VWA8: variants seen among roughly 807,000 people sequenced by gnomAD.
The protein encoded by VWA8 is von Willebrand factor A domain-containing protein 8.
A neutral mutation model predicts 241.5 loss-of-function variants in VWA8; 221 were observed. The observed-to-expected ratio is 0.91, with a 90% confidence interval of 0.82 to 1.02. The LOEUF (loss-of-function observed/expected upper bound fraction) is 1.02. VWA8 is among the 50% of genes least tolerant of loss of function. The pLI, the probability that VWA8 is intolerant of heterozygous loss-of-function variation, is 0.00. For synonymous variants in VWA8, 852 were observed against 827.1 expected, an observed-to-expected ratio of 1.03 and a Z score of -0.52; for missense variants, 2,322 against 2,328.7, an observed-to-expected ratio of 1.00 and a Z score of 0.06.
intron 4 of VWA8, among the ~76,000 whole-genome samples, chr13:41,898,895 G>A (rs1177818006): frequency 3.1e-5 from 1 of 32,306 alleles, no homozygotes; most frequent in Non-Finnish European, 6.1e-5. Flanking sequence ...CCAAGCCCAC[G>A]CCCACCCGGA....
At chr13:41,840,185 T>C (rs541337966) in intron 12 of VWA8, among the ~76,000 whole-genome samples, 24 of 152,076 alleles carry the variant, frequency 1.6e-4, no homozygotes, top group Non-Finnish European at 3.5e-4. Flanking sequence ...TATTGGTGTG[T>C]TGGAATGCTT....
chr13:41,772,661 C>G (rs1048794734), intron 20 of VWA8, among the ~76,000 whole-genome samples: 4 of 152,128 alleles, frequency 2.6e-5, no homozygotes, highest in African/African-American at 9.7e-5. Flanking sequence ...GCTGCACTTA[C>G]TGGAAAGACT....
intron 17 of VWA8, among the ~76,000 whole-genome samples, chr13:41,805,225 T>A (rs920350877): frequency 3.3e-5 from 5 of 152,048 alleles, no homozygotes; most frequent in African/African-American, 1.2e-4. Flanking sequence ...AAATATTCCA[T>A]GCCAAATGAA....
rs1377090194 is a variant in VWA8 at position 41,881,389 on chromosome 13, G to T, written c.1080+1998C>A. ...TTTTTTGCCGGGGGGGGGGGGGGGGGGGTAAGGTCACAGATCAACAGGATA... is the reference window on the plus strand; with the variant it reads ...TTTTTTGCCGGGGGGGGGGGGGGGGTGGTAAGGTCACAGATCAACAGGATA... On this transcript the variant is annotated intron_variant, in intron 9 of 44. Transcript: ENST00000379310. Among the ~76,000 whole-genome samples, 14 of 40,122 alleles carry T rather than the reference G, an allele frequency of 3.5e-4. 2 individuals carry two copies. Among genetic ancestry groups the T allele is most frequent in the Admixed American group, 2.6e-3 (10 of 3,784 alleles). The allele number at this position is 40,122 out of a possible 152,430, so 26.3% of individuals were successfully genotyped here. A position where few individuals can be genotyped will look rare whatever the true frequency, so the allele number is the denominator to read the frequency against.
intron 37 of VWA8, among the ~76,000 whole-genome samples, chr13:41,634,835 A>G (rs1298896918): frequency 6.6e-6 from 1 of 152,194 alleles, no homozygotes; most frequent in Non-Finnish European, 1.5e-5. Context: ...TTAGGTTTAA[A>G]TAATATTTTT....
intron 42 of VWA8, among the ~76,000 whole-genome samples, chr13:41,586,884 C>A (rs1462720368): frequency 1.3e-5 from 2 of 152,038 alleles, no homozygotes; most frequent in Middle Eastern, 3.2e-3. Context: ...CTGGTAAGGG[C>A]CAGAAGTGCA....
intron 37 of VWA8, among the ~76,000 whole-genome samples, chr13:41,661,752 T>C (rs558393363): frequency 1.6e-4 from 25 of 152,352 alleles, no homozygotes; most frequent in Middle Eastern, 3.4e-3. Context: ...TACATGGCAT[T>C]GTATACTATT....
chr13:41,769,955 A>T (rs2045806929), intron 20 of VWA8, among the ~76,000 whole-genome samples: 1 of 152,216 alleles, frequency 6.6e-6, no homozygotes, highest in African/African-American at 2.4e-5. Flanking sequence ...CAACATAGTG[A>T]GAAAATACTA....
At chr13:41,598,035 T>G (rs532632369) in intron 40 of VWA8, among the ~76,000 whole-genome samples, 142 of 152,226 alleles carry the variant, frequency 9.3e-4, no homozygotes, top group Non-Finnish European at 1.6e-3. Context: ...TAAACAGTTT[T>G]CCAAAGAGGT....
chr13:41,896,813 C>A (rs1385615059), intron 4 of VWA8, among the ~76,000 whole-genome samples: 1 of 151,910 alleles, frequency 6.6e-6, no homozygotes, highest in African/African-American at 2.4e-5. Flanking sequence ...GGTCAGAGTG[C>A]AAAATGATAA....
At position 41,887,780 on chromosome 13, in the gene VWA8, T is replaced by C. The variant is rs536401528; in HGVS notation, c.652-419A>G. ...AGATAATTATGTTTATGGTTATTCC[T>C]AGCAAAGCATATTACTAGCAATAAC... On this transcript the variant is annotated intron_variant, in intron 5 of 44. Transcript: ENST00000379310. Among the ~76,000 whole-genome samples the C allele has an allele frequency of 4.6e-5, 7 of 152,362 alleles. No individual in the cohort carries two copies. The East Asian group carries it at 1.3e-3, about 29-fold the overall frequency.
intron 14 of VWA8, among the ~76,000 whole-genome samples, chr13:41,821,259 G>A (rs1870946014): frequency 6.6e-6 from 1 of 152,148 alleles, no homozygotes. Context: ...TCTTAAGTAA[G>A]CTGGCCAAAT....
chr13:41,789,638 A>G (rs1869362440), intron 17 of VWA8, among the ~76,000 whole-genome samples: 1 of 152,134 alleles, frequency 6.6e-6, no homozygotes, highest in Non-Finnish European at 1.5e-5. Context: ...TCTTTAGATT[A>G]AGGAATAAGA....
intron 12 of VWA8, among the ~76,000 whole-genome samples, chr13:41,837,268 A>T (rs1031068602): frequency 1.3e-5 from 2 of 151,988 alleles, no homozygotes; most frequent in African/African-American, 4.8e-5. Flanking sequence ...AAAGAAAAGC[A>T]CTCCCTTTAA....
intron 9 of VWA8, among the ~76,000 whole-genome samples, chr13:41,882,797 A>AGAGAGGGAGAGGGAGACCGTGGGGAGAGG (rs1874316838): frequency 2.2e-5 from 3 of 135,944 alleles, no homozygotes; most frequent in Middle Eastern, 7.5e-3. Flanking sequence ...GACCGTGGAA[A>AGAGAGGGAGAGGGAGACCGTGGGGAGAGG]GAGAGGGAGA....
chr13:41,926,421 G>A (rs1004232672), intron 2 of VWA8: 15 of 531,848 alleles, frequency 2.8e-5, no homozygotes, highest in African/African-American at 1.5e-4. Context: ...CATCCCGGGG[G>A]AGCTGTGGCC....
chr13:41,689,509 C>G lies in VWA8; in HGVS notation c.3977-1G>C. ...TTATGAGGTATGCTGAACTCTGTTT[C>G]TGAAAAGTACAAACATTAGACACCA... On this transcript the variant is annotated splice_acceptor_variant, in intron 33 of 44. Coordinates refer to ENST00000379310, the MANE Select transcript of VWA8 (RefSeq NM_015058.2). LOFTEE classifies it high-confidence loss of function. The G allele has an allele frequency of 6.2e-7, 1 of 1,603,206 alleles. No individual in the cohort carries two copies. The highest frequency in any genetic ancestry group is 8.5e-7 in the Non-Finnish European group (1 of 1,175,716).
chr13:41,856,818 T>A (rs1456593824), intron 12 of VWA8, among the ~76,000 whole-genome samples: 1 of 149,648 alleles, frequency 6.7e-6, no homozygotes, highest in Non-Finnish European at 1.5e-5. Flanking sequence ...AGCCAGGCCT[T>A]GTCTCAAAAA....
At chr13:41,691,474 G>C in intron 31 of VWA8, 29 bp from the exon 32 acceptor site, 1 of 1,608,764 alleles carries the variant, frequency 6.2e-7, no homozygotes, top group Non-Finnish European at 8.5e-7. Context: ...GTATCTGAAA[G>C]GAAATGGTGA....
Sources: gnomAD v4.1 joint callset for allele counts (sites outside exome capture counted in the v4.1 genomes callset) on GRCh38, gnomAD v4.1.1 for gene constraint, MANE v1.5 for transcripts, NCBI Gene and HGNC (gene_info 2026-07-23, HGNC 2026-07-21) for gene names.